Variants in SFMBT1 observed in about 807,000 individuals in gnomAD.
SFMBT1 encodes scm-like with four MBT domains protein 1.
Under a neutral mutation model 108.7 loss-of-function variants are expected in SFMBT1, and 32 were observed. The ratio of observed to expected loss-of-function variants is 0.29; its 90% CI spans 0.22 to 0.40. SFMBT1 has a LOEUF of 0.40. Ranked by LOEUF, SFMBT1 falls within the 10% of genes least tolerant of loss-of-function variation. The pLI is 1.00. For missense variants in SFMBT1, 816 were observed against 1,059.6 expected, an observed-to-expected ratio of 0.77 and a Z score of 3.19; for synonymous variants, 348 against 369.5, an observed-to-expected ratio of 0.94 and a Z score of 0.67.
chr3:52,945,239 A>G (rs1042170309), intron 3 of SFMBT1, among the ~76,000 whole-genome samples: 2 of 151,800 alleles, frequency 1.3e-5, no homozygotes, highest in African/African-American at 4.8e-5. Context: ...GCCAGAAAGT[A>G]AGGAAATGAT....
intron 4 of SFMBT1, among the ~76,000 whole-genome samples, chr3:52,942,831 T>A (rs1390596387): frequency 6.6e-6 from 1 of 152,348 alleles, no homozygotes; most frequent in South Asian, 2.1e-4. Context: ...CGTATTTTCT[T>A]AAATCCGGAG....
At chr3:52,984,352 T>C (rs1704828991) in intron 1 of SFMBT1, among the ~76,000 whole-genome samples, 1 of 152,168 alleles carries the variant, frequency 6.6e-6, no homozygotes, top group African/African-American at 2.4e-5. Flanking sequence ...ATGCTTCATT[T>C]GAACATCATA....
intron 1 of SFMBT1, among the ~76,000 whole-genome samples, chr3:53,027,913 A>C (rs541846198): frequency 6.6e-6 from 1 of 152,342 alleles, no homozygotes; most frequent in South Asian, 2.1e-4. Context: ...GACCTTGAGC[A>C]CTATGATATA....
chr3:52,960,088 A>T (rs941171268), intron 2 of SFMBT1, among the ~76,000 whole-genome samples: 1 of 151,902 alleles, frequency 6.6e-6, no homozygotes, highest in African/African-American at 2.4e-5. Flanking sequence ...ATACTACTAC[A>T]CAGCAGTTGA....
At chr3:53,036,742 C>T (rs188588609) in intron 1 of SFMBT1, among the ~76,000 whole-genome samples, 3 of 152,308 alleles carry the variant, frequency 2.0e-5, no homozygotes, top group Non-Finnish European at 2.9e-5. Flanking sequence ...TTACAGAAGG[C>T]AAAGACAGAA....
chr3:52,937,161 G>C (rs955467729), intron 4 of SFMBT1, among the ~76,000 whole-genome samples: 6 of 151,914 alleles, frequency 3.9e-5, no homozygotes, highest in African/African-American at 1.2e-4. Context: ...TTCTTTATTT[G>C]CTTTTGCCTA....
At chr3:52,987,942 G>A (rs1047990219) in intron 1 of SFMBT1, among the ~76,000 whole-genome samples, 1 of 152,154 alleles carries the variant, frequency 6.6e-6, no homozygotes, top group African/African-American at 2.4e-5. Flanking sequence ...AATTAAGAAT[G>A]GAATAACACT....
intron 3 of SFMBT1, among the ~76,000 whole-genome samples, chr3:52,945,356 C>T (rs896031499): frequency 1.1e-4 from 17 of 151,158 alleles, no homozygotes; most frequent in South Asian, 4.2e-4. Flanking sequence ...GAGAGTAATG[C>T]ATTATAACTA....
intron 12 of SFMBT1, 43 bp downstream of exon 12, chr3:52,920,494 A>G (rs1418727212): frequency 7.0e-7 from 1 of 1,425,260 alleles, no homozygotes; most frequent in South Asian, 1.2e-5. Flanking sequence ...CACACAGAAG[A>G]TTATTTAACA....
intron 3 of SFMBT1, among the ~76,000 whole-genome samples, chr3:52,949,738 C>T (rs1703507467): frequency 6.6e-6 from 1 of 151,664 alleles, no homozygotes. Flanking sequence ...CACCACCACG[C>T]CTGGCTAATT....
chr3:52,941,396 C>T (rs538821187), intron 4 of SFMBT1, among the ~76,000 whole-genome samples: 1 of 152,118 alleles, frequency 6.6e-6, no homozygotes, highest in African/African-American at 2.4e-5. Context: ...GGGTTCAAGA[C>T]CAGCCTGGCC....
At chr3:52,980,569 T>C (rs1212568471) in intron 1 of SFMBT1, among the ~76,000 whole-genome samples, 2 of 151,854 alleles carry the variant, frequency 1.3e-5, no homozygotes, top group Non-Finnish European at 1.5e-5. Context: ...AAAAGCTGGA[T>C]TGCTTGATAT....
intron 1 of SFMBT1, among the ~76,000 whole-genome samples, chr3:52,977,995 T>C (rs764265176): frequency 6.9e-6 from 1 of 144,372 alleles, no homozygotes; most frequent in Non-Finnish European, 1.5e-5. Context: ...ACTTATTATG[T>C]GTCAGGCACA....
intron 1 of SFMBT1, among the ~76,000 whole-genome samples, chr3:53,025,182 A>G (rs1185954478): frequency 6.6e-6 from 1 of 152,222 alleles, no homozygotes; most frequent in African/African-American, 2.4e-5. Flanking sequence ...ATCAAAATGT[A>G]AATTTTCTAG....
rs762327335 is a variant in SFMBT1, at chr3:52,989,422, C to CA, written c.-130-20165dup. On this transcript the variant is annotated intron_variant, in intron 1 of 20. Transcript: ENST00000394752. ...ACTGCACTCCAGCCTGACTCCATCT[C>CA]AAAAAAAAAAAAAAAAGAAAGAAAG... 4.6e-3 allele frequency among the ~76,000 whole-genome samples: 375 copies of CA among 81,496 alleles called. 2 individuals are homozygous for CA. Among genetic ancestry groups the CA allele is most frequent in the African/African-American group, 9.4e-3 (182 of 19,320 alleles). 53.5% of individuals were successfully genotyped at this position (81,496 alleles called of 152,430 possible). A position where few individuals can be genotyped will look rare whatever the true frequency, so the allele number is the denominator to read the frequency against.
At chr3:52,906,824 T>G (rs910930002) in intron 19 of SFMBT1, among the ~76,000 whole-genome samples, 3 of 152,176 alleles carry the variant, frequency 2.0e-5, no homozygotes, top group Admixed American at 6.5e-5. Context: ...TGGGGCTTTT[T>G]TTGTTGTTGT....
intron 8 of SFMBT1, 80 bp downstream of exon 8, chr3:52,930,249 T>G: frequency 1.2e-6 from 1 of 863,218 alleles, no homozygotes. Context: ...TCAATAGAGC[T>G]TAAAGATCAA....
intron 1 of SFMBT1, among the ~76,000 whole-genome samples, chr3:52,986,095 A>G (rs573419588): frequency 1.3e-5 from 2 of 150,770 alleles, no homozygotes; most frequent in Admixed American, 1.3e-4. Context: ...GTGAGCTGAG[A>G]TCATGCCACT....
rs1702205042 is a variant in SFMBT1, at chr3:52,911,108, G to A, written c.1801C>T (p.Arg601Trp). ...CATTCCAGTTTGATACAGGTTTGCC[G>A]GCAGAATTCAGTCACCCGATCTGCT... ...KTADRVTEFC[R>W]QTCIKLECCP... Residue 601 changes from arginine (R) to tryptophan (W), a missense_variant, in exon 17 of 21, where the codon CGG becomes TGG. By Grantham distance (101) the Arg-to-Trp change is moderately radical. This residue lies in a region of SFMBT1 where 79 missense variants were observed against 120.8 expected (regional missense o/e 0.65). Coordinates refer to ENST00000394752, the MANE Select transcript of SFMBT1 (RefSeq NM_016329.4). The A allele has an allele frequency of 6.8e-6, 11 of 1,614,052 alleles. No homozygotes were observed. Among genetic ancestry groups the A allele is most frequent in the Non-Finnish European group, 9.3e-6 (11 of 1,179,992 alleles).
Sources: gnomAD v4.1 joint callset for allele counts (sites outside exome capture counted in the v4.1 genomes callset) on GRCh38, gnomAD v4.1.1 for gene constraint, gnomAD v4.1.1 regional missense constraint, MANE v1.5 for transcripts, NCBI Gene and HGNC (gene_info 2026-07-23, HGNC 2026-07-21) for gene names.